The following CTSC variants were observed in gnomAD, a reference collection of about 807,000 sequenced individuals.
CTSC encodes the protein dipeptidyl peptidase 1.
In CTSC, 37 loss-of-function variants were observed where a neutral mutation model predicts 40.9. The observed-to-expected ratio is 0.91, with a 90% CI of 0.70 to 1.19. The LOEUF (loss-of-function observed/expected upper bound fraction) is 1.19, where lower values mean the gene tolerates loss of function less well. Ranked by LOEUF, CTSC falls within the 50% of genes most tolerant of loss-of-function variation. CTSC has a pLI of 0.00. For synonymous variants in CTSC, 232 were observed against 207.4 expected, an observed-to-expected ratio of 1.12 and a Z score of -1.02; for missense variants, 594 against 567.3, an observed-to-expected ratio of 1.05 and a Z score of -0.48.
intron 2 of CTSC, among the ~76,000 whole-genome samples, chr11:88,327,374 C>T (rs1275658923): frequency 6.6e-6 from 1 of 152,002 alleles, no homozygotes; most frequent in Non-Finnish European, 1.5e-5. Context: ...ATTTAAGAGC[C>T]AAGTAACAGA....
chr11:88,307,331 C>T (rs80334761), intron 4 of CTSC, among the ~76,000 whole-genome samples: 6,912 of 152,116 alleles, frequency 0.045, 201 homozygotes, highest in East Asian at 0.1. Flanking sequence ...TTATCCGTGG[C>T]CATTTAACAA....
intron 2 of CTSC, chr11:88,321,768 A>G (rs138708947): frequency 3.1e-4 from 47 of 152,272 alleles, no homozygotes; most frequent in African/African-American, 1.1e-3. Context: ...TTTGTAATAG[A>G]ATGATTTCTA....
At chr11:88,311,152 A>C (rs1021453815) in intron 3 of CTSC, among the ~76,000 whole-genome samples, 1 of 152,222 alleles carries the variant, frequency 6.6e-6, no homozygotes, top group Admixed American at 6.5e-5. Context: ...TCCGGTTGGG[A>C]GCTTCTTCAC....
At chr11:88,326,504 T>A in intron 2 of CTSC, 2 of 1,042,448 alleles carry the variant, frequency 1.9e-6, no homozygotes, top group Non-Finnish European at 2.9e-6. Flanking sequence ...TCTTAATATT[T>A]AATCATATCA....
chr11:88,294,610 G>T, intron 6 of CTSC, 102 bp from the exon 7 acceptor site: 1 of 1,343,334 alleles, frequency 7.4e-7, no homozygotes, highest in African/African-American at 1.4e-5. Context: ...TGTTACCCCT[G>T]AAAGTTGTTC....
intron 2 of CTSC, chr11:88,327,871 T>C: frequency 3.8e-6 from 2 of 524,888 alleles, no homozygotes; most frequent in Non-Finnish European, 6.8e-6. Flanking sequence ...AGTAGCATTC[T>C]TGGGAGAGCT....
chr11:88,325,098 G>C, intron 2 of CTSC: 1 of 984,994 alleles, frequency 1.0e-6, no homozygotes, highest in Non-Finnish European at 1.2e-6. Context: ...AAAGAAGTCA[G>C]CTCTAAACCA....
In CTSC at chr11:88,308,074, G is replaced by A. The variant is rs368522362; in HGVS notation, c.641+1089C>T. 3.7e-4 allele frequency among the ~76,000 whole-genome samples: 57 copies of A among 152,304 alleles called. No individual in the cohort carries two copies. The South Asian group carries it at 0.01, about 28-fold the overall frequency. On this transcript the variant is annotated intron_variant, in intron 4 of 6. Transcript: ENST00000227266. The stretch of plus-strand genomic sequence containing the variant: ...GAGGTAGCGACGAAAGAGATGGCAG[G>A]CATGAAACCGCCTTTGCAAAAATTA...
At chr11:88,314,217 G>GT (rs1318114118) in intron 2 of CTSC, among the ~76,000 whole-genome samples, 1 of 152,116 alleles carries the variant, frequency 6.6e-6, no homozygotes, top group Non-Finnish European at 1.5e-5. Flanking sequence ...AGGTGCAAAG[G>GT]GAATACATAA....
intron 4 of CTSC, among the ~76,000 whole-genome samples, chr11:88,305,988 G>T (rs1937627950): frequency 6.6e-6 from 1 of 152,202 alleles, no homozygotes; most frequent in Non-Finnish European, 1.5e-5. Context: ...TTGTTGAATA[G>T]ATCTCAGCTT....
chr11:88,312,362 C>T (rs777210390), intron 3 of CTSC, 26 bp downstream of exon 3: 9 of 1,610,380 alleles, frequency 5.6e-6, no homozygotes, highest in South Asian at 3.3e-5. Flanking sequence ...CAAAACTAAA[C>T]GTATGTCTCA....
chr11:88,302,185 G>A (rs1018722141), intron 4 of CTSC, among the ~76,000 whole-genome samples: 2 of 152,136 alleles, frequency 1.3e-5, no homozygotes, highest in African/African-American at 4.8e-5. Context: ...CACTGTTCTA[G>A]TTTTTCAGTG....
chr11:88,301,029 G>C (rs1944354924), intron 4 of CTSC, among the ~76,000 whole-genome samples: 1 of 152,114 alleles, frequency 6.6e-6, no homozygotes, highest in Admixed American at 6.5e-5. Context: ...AGGAATCACT[G>C]ATGTTTGACT....
At position 88,312,346 on chromosome 11, in the gene CTSC, A is replaced by G. The variant is rs766728311; in HGVS notation, c.485+42T>C. 2.5e-6 allele frequency: 4 copies of G among 1,600,072 alleles called. No individual in the cohort carries two copies. The East Asian group carries it at 6.7e-5, about 27-fold the overall frequency. On this transcript the variant is annotated intron_variant, in intron 3 of 6. Transcript: ENST00000227266. ...ATGTACACACATATTCATATATACT[A>G]TAAAACAAAACTAAACGTATGTCTC...
intron 2 of CTSC, among the ~76,000 whole-genome samples, chr11:88,318,276 C>T (rs552737392): frequency 2.2e-4 from 34 of 152,300 alleles, no homozygotes; most frequent in African/African-American, 7.2e-4. Flanking sequence ...TTATCATTTA[C>T]GTAACCTTGA....
intron 2 of CTSC, among the ~76,000 whole-genome samples, chr11:88,318,195 A>G (rs1937921096): frequency 1.3e-5 from 2 of 152,236 alleles, no homozygotes; most frequent in Non-Finnish European, 1.5e-5. Context: ...CTTACTTTAC[A>G]TAACAAACTT....
rs1937693382 is a variant in CTSC, at chr11:88,309,055, A to G, written c.641+108T>C. 6 of 927,370 alleles carry G rather than the reference A, an allele frequency of 6.5e-6. No individual in the cohort carries two copies. In the South Asian group the frequency reaches 8.3e-5, roughly 13 times the overall value. 57.4% of individuals were successfully genotyped at this position (927,370 alleles called of 1,614,324 possible). A position where few individuals can be genotyped will look rare whatever the true frequency, so the allele number is the denominator to read the frequency against. ...TTAACAGATCACATAAAAAGTTACA[A>G]CTGGGATGACCAATAAAATGGCGAG... On this transcript the variant is annotated intron_variant, in intron 4 of 6. Transcript: ENST00000227266.
At chr11:88,315,616 C>G (rs1937858398) in intron 2 of CTSC, among the ~76,000 whole-genome samples, 1 of 152,056 alleles carries the variant, frequency 6.6e-6, no homozygotes, top group African/African-American at 2.4e-5. Flanking sequence ...AAATATTGTA[C>G]AGATTACTCA....
intron 4 of CTSC, among the ~76,000 whole-genome samples, chr11:88,302,620 C>T (rs9666386): frequency 0.38 from 39,907 of 105,752 alleles, 7,234 homozygotes; most frequent in Non-Finnish European, 0.45. Context: ...AGCAAGACTC[C>T]GCCTCAAAAA....
Sources: allele counts gnomAD v4.1 joint callset (sites outside exome capture counted in the v4.1 genomes callset), GRCh38; gene constraint gnomAD v4.1.1; transcripts MANE v1.5; gene names NCBI Gene and HGNC (gene_info 2026-07-23, HGNC 2026-07-21).